The following DNAJC1 variants were observed in gnomAD, a reference collection of about 807,000 sequenced individuals.
The protein encoded by DNAJC1 is DnaJ heat shock protein family (Hsp40) member C1.
In DNAJC1, 58 loss-of-function variants were observed where a neutral mutation model predicts 76.6. The observed-to-expected ratio is 0.76, with a 90% CI of 0.61 to 0.94. The LOEUF (loss-of-function observed/expected upper bound fraction) is 0.94, where lower values mean the gene tolerates loss of function less well. DNAJC1 is among the 40% of genes least tolerant of loss of function. DNAJC1 has a pLI of 0.00. For missense variants in DNAJC1, 689 were observed against 677.3 expected, an observed-to-expected ratio of 1.02 and a Z score of -0.19; for synonymous variants, 258 against 267.9, an observed-to-expected ratio of 0.96 and a Z score of 0.36.
In DNAJC1 at chr10:21,982,449, G is replaced by C. The variant is rs985921141; in HGVS notation, c.222+20764C>G. Among the ~76,000 whole-genome samples, 10 of 152,206 alleles carry C rather than the reference G, an allele frequency of 6.6e-5. 1 individual carries two copies. In the East Asian group the frequency reaches 1.7e-3, roughly 26 times the overall value. On this transcript the variant is annotated intron_variant, in intron 1 of 11. Coordinates refer to ENST00000376980, the MANE Select transcript of DNAJC1 (RefSeq NM_022365.4). ...TTTGTGCATCAAAGGACACTAGTAAGAGAGTAAATAAACAACCCACAGAAT... is the reference window on the plus strand; with the variant it reads ...TTTGTGCATCAAAGGACACTAGTAACAGAGTAAATAAACAACCCACAGAAT...
Position 21,778,752 on chromosome 10 carries a change from G to A in DNAJC1, c.1099-12443C>T, listed in dbSNP as rs574212906. ...GGGGCTTGTCAGACAGTGGGTGCAG[G>A]ACAGTGGGTGCAGCCCACCAAGCGT... On this transcript the variant is annotated intron_variant, in intron 9 of 11. Transcript: ENST00000376980. Among the ~76,000 whole-genome samples, 5 of 152,198 alleles carry A rather than the reference G, an allele frequency of 3.3e-5. No homozygotes were observed. The South Asian group carries it at 1.0e-3, about 32-fold the overall frequency.
intron 8 of DNAJC1, among the ~76,000 whole-genome samples, chr10:21,869,675 AAGG>A (rs1372669724): frequency 6.6e-6 from 1 of 152,112 alleles, no homozygotes; most frequent in African/African-American, 2.4e-5. Context: ...TGTGATTATT[AAGG>A]AGAAGTATGA....
At chr10:21,825,742 T>C (rs1835238087) in intron 8 of DNAJC1, among the ~76,000 whole-genome samples, 1 of 152,214 alleles carries the variant, frequency 6.6e-6, no homozygotes, top group Admixed American at 6.5e-5. Flanking sequence ...AGTGCTATCT[T>C]ATGTGGTTTT....
intron 9 of DNAJC1, among the ~76,000 whole-genome samples, chr10:21,804,148 T>C (rs1444271294): frequency 6.6e-6 from 1 of 152,096 alleles, no homozygotes; most frequent in Non-Finnish European, 1.5e-5. Context: ...ATTTTCATCT[T>C]TCTCCTCTTA....
At chr10:21,942,317 T>C in intron 1 of DNAJC1, among the ~76,000 whole-genome samples, 1 of 152,108 alleles carries the variant, frequency 6.6e-6, no homozygotes, top group South Asian at 2.1e-4. Flanking sequence ...TTCTAAACAC[T>C]CCAAATTCAT....
intron 6 of DNAJC1, among the ~76,000 whole-genome samples, chr10:21,909,316 T>C (rs1405371409): frequency 1.3e-5 from 2 of 152,230 alleles, no homozygotes; most frequent in East Asian, 1.9e-4. Context: ...TTATAGAGCA[T>C]AGGCTCCTGC....
chr10:21,813,096 CATATAT>C (rs373917334), intron 8 of DNAJC1, among the ~76,000 whole-genome samples: 9 of 117,294 alleles, frequency 7.7e-5, no homozygotes, highest in African/African-American at 2.4e-4. Flanking sequence ...TACACACACA[CATATAT>C]ATATATATAT....
chr10:21,940,983 A>G (rs922166387), intron 1 of DNAJC1, among the ~76,000 whole-genome samples: 22 of 151,482 alleles, frequency 1.5e-4, no homozygotes, highest in Admixed American at 2.0e-4. Context: ...CAGGCGCGGT[A>G]GCTCACGCCT....
chr10:21,991,445 A>G (rs1838325357), intron 1 of DNAJC1, among the ~76,000 whole-genome samples: 1 of 152,246 alleles, frequency 6.6e-6, no homozygotes, highest in Non-Finnish European at 1.5e-5. Context: ...TTATACCAAT[A>G]GCCTTTACAG....
chr10:21,974,970 C>T (rs1485527123), intron 1 of DNAJC1, among the ~76,000 whole-genome samples: 2 of 151,560 alleles, frequency 1.3e-5, no homozygotes, highest in African/African-American at 4.9e-5. Flanking sequence ...ATGTAAATTT[C>T]TAACAATATC....
rs997481225 is a variant in DNAJC1 at position 21,904,713 on chromosome 10, G to C, written c.730-101C>G. The C allele has an allele frequency of 1.7e-5, 10 of 593,060 alleles. No individual in the cohort carries two copies. The South Asian group carries it at 4.3e-4, about 26-fold the overall frequency. The allele number at this position is 593,060 out of a possible 1,614,324, so 36.7% of individuals were successfully genotyped here. A position where few individuals can be genotyped will look rare whatever the true frequency, so the allele number is the denominator to read the frequency against. ...TTAAAGCATTATATTCATTTTATAA[G>C]TAGGCTTTCTTTTTGTTTTCAAATT... On this transcript the variant is annotated intron_variant, in intron 6 of 11. Transcript: ENST00000376980.
chr10:21,770,461 G>A (rs1217740744), intron 9 of DNAJC1, among the ~76,000 whole-genome samples: 1 of 142,046 alleles, frequency 7.0e-6, no homozygotes, highest in Admixed American at 7.5e-5. Flanking sequence ...GCAGTGGCAC[G>A]ATCTCGACTC....
intron 1 of DNAJC1, among the ~76,000 whole-genome samples, chr10:21,995,689 T>C (rs375169746): frequency 1.3e-5 from 2 of 152,350 alleles, no homozygotes; most frequent in East Asian, 3.9e-4. Context: ...TACTGTTTTA[T>C]ACACATATTC....
chr10:21,895,194 C>T (rs938781799), intron 7 of DNAJC1, among the ~76,000 whole-genome samples: 1 of 152,066 alleles, frequency 6.6e-6, no homozygotes, highest in Non-Finnish European at 1.5e-5. Flanking sequence ...AGCATGTTTC[C>T]AGTGAGAGCT....
chr10:21,847,167 A>G (rs771919964), intron 8 of DNAJC1, among the ~76,000 whole-genome samples: 20 of 152,052 alleles, frequency 1.3e-4, no homozygotes, highest in Non-Finnish European at 2.6e-4. Flanking sequence ...TTTTACATTC[A>G]TAGTGTGTTA....
intron 9 of DNAJC1, 102 bp downstream of exon 9, chr10:21,805,878 C>T (rs1366876519): frequency 6.8e-6 from 10 of 1,474,110 alleles, no homozygotes; most frequent in Middle Eastern, 2.4e-4. Context: ...ATTGTTGTAT[C>T]CCCTCCCCAA....
chr10:21,904,366 TGTC>T (rs1836708080), intron 7 of DNAJC1, among the ~76,000 whole-genome samples, 153 bp downstream of exon 7: 1 of 150,674 alleles, frequency 6.6e-6, no homozygotes, highest in African/African-American at 2.4e-5. Flanking sequence ...GGATGTTCCA[TGTC>T]AAATACATTA....
At chr10:21,870,953 G>GAAAGAACA (rs1554892841) in intron 8 of DNAJC1, among the ~76,000 whole-genome samples, 1 of 150,924 alleles carries the variant, frequency 6.6e-6, no homozygotes, top group African/African-American at 2.4e-5. Flanking sequence ...ACCAGTACTA[G>GAAAGAACA]AAGGAACAGA....
At chr10:21,833,619 A>C (rs1229562284) in intron 8 of DNAJC1, among the ~76,000 whole-genome samples, 23 of 152,236 alleles carry the variant, frequency 1.5e-4, no homozygotes, top group Non-Finnish European at 7.3e-5. Flanking sequence ...AAAATGAAGA[A>C]AATAATAGCA....
Sources: allele counts gnomAD v4.1 joint callset (sites outside exome capture counted in the v4.1 genomes callset), GRCh38; gene constraint gnomAD v4.1.1; transcripts MANE v1.5; gene names NCBI Gene and HGNC (gene_info 2026-07-23, HGNC 2026-07-21).